The following HADH variants were observed in gnomAD, a reference collection of about 807,000 sequenced individuals.
HADH encodes the protein hydroxyacyl-CoA dehydrogenase, also known as hydroxyacyl-coenzyme A dehydrogenase, mitochondrial.
A neutral mutation model predicts 32.2 loss-of-function variants in HADH; 24 were observed. The observed-to-expected ratio is 0.75, with a 90% CI of 0.54 to 1.05. The LOEUF (loss-of-function observed/expected upper bound fraction) is 1.05. Among genes scored for constraint, HADH ranks in the 50% least tolerant of loss-of-function variants. The pLI, the probability that HADH is intolerant of heterozygous loss-of-function variation, is 0.00. For synonymous variants in HADH, 139 were observed against 152.5 expected (o/e 0.91, Z 0.65); for missense variants, 350 against 397.1 (o/e 0.88, Z 1.01).
chr4:107,990,840 C>A (rs940470397), intron 1 of HADH, among the ~76,000 whole-genome samples: 2 of 150,776 alleles, frequency 1.3e-5, no homozygotes, highest in African/African-American at 4.9e-5. Flanking sequence ...ACCTCCGCCT[C>A]CCGGGTTCAA....
At chr4:108,024,766 A>G (rs1244628755) in intron 5 of HADH, 1 of 152,276 alleles carries the variant, frequency 6.6e-6, no homozygotes, top group African/African-American at 2.4e-5. Flanking sequence ...ACAAAAAGAT[A>G]TGGAAACAGA....
In HADH at chr4:108,034,416, G is replaced by A. The variant is rs529762487; in HGVS notation, c.*59G>A. On this transcript the variant is annotated 3_prime_UTR_variant, in exon 8 of 8. Transcript: ENST00000309522. ...GAGAGCGCTTTCCAGCCAGTGCCCC[G>A]AGTGCCTGTGGGAATGCTCTTTGGT... The A allele has an allele frequency of 1.2e-4, 112 of 940,226 alleles. 1 individual carries two copies. The East Asian group carries it at 2.0e-3, about 16-fold the overall frequency. 58.2% of individuals were successfully genotyped at this position (940,226 alleles called of 1,614,324 possible). A position where few individuals can be genotyped will look rare whatever the true frequency, so the allele number is the denominator to read the frequency against.
At chr4:108,007,855 G>A (rs1018658361) in intron 1 of HADH, among the ~76,000 whole-genome samples, 2 of 152,220 alleles carry the variant, frequency 1.3e-5, no homozygotes, top group East Asian at 3.8e-4. Flanking sequence ...GGGCACTGGG[G>A]TTTGTAAAGA....
Position 108,034,168 on chromosome 4 carries a change from T to C in HADH, c.827-71T>C. ...CATCAGAGGCAGGCCTCCAGACTTG[T>C]CCTTGGAAATGCCAAGATGTAAAAA... is the stretch of plus-strand genomic sequence containing the variant. On this transcript the variant is annotated intron_variant, in intron 7 of 7. Coordinates refer to ENST00000309522, the MANE Select transcript of HADH (RefSeq NM_005327.7). 3 of 1,060,518 alleles carry C rather than the reference T, an allele frequency of 2.8e-6. No individual in the cohort carries two copies. In the Admixed American group the frequency reaches 5.1e-5, roughly 18 times the overall value. 65.7% of individuals were successfully genotyped at this position (1,060,518 alleles called of 1,614,324 possible). A position where few individuals can be genotyped will look rare whatever the true frequency, so the allele number is the denominator to read the frequency against.
Position 107,990,390 on chromosome 4 carries a change from G to A in HADH, c.132+326G>A, listed in dbSNP as rs141049969. Among the ~76,000 whole-genome samples, 428 of 152,342 alleles carry A rather than the reference G, an allele frequency of 2.8e-3. 3 individuals carry two copies. Among genetic ancestry groups the A allele is most frequent in the Middle Eastern group, 0.017 (5 of 292 alleles). On this transcript the variant is annotated intron_variant, in intron 1 of 7. Transcript: ENST00000309522. ...CGTGCAAGAGAAGAAAGAATTGTATGTGCACAAGGTTCAGGCATAACGCGT... is the reference window on the plus strand; with the variant it reads ...CGTGCAAGAGAAGAAAGAATTGTATATGCACAAGGTTCAGGCATAACGCGT...
At chr4:107,998,039 C>T (rs1049782391) in intron 1 of HADH, among the ~76,000 whole-genome samples, 3 of 152,204 alleles carry the variant, frequency 2.0e-5, no homozygotes, top group African/African-American at 7.2e-5. Flanking sequence ...ACTTTACCAA[C>T]AAATGTCTTT....
chr4:108,023,079 C>T (rs1180565574), intron 4 of HADH, among the ~76,000 whole-genome samples: 3 of 151,550 alleles, frequency 2.0e-5, no homozygotes, highest in Non-Finnish European at 4.4e-5. Context: ...CTGCAACCTC[C>T]ACCTCCCAGG....
In HADH at chr4:108,035,055, G is replaced by A. The variant is rs1736418314; in HGVS notation, c.*698G>A. On this transcript the variant is annotated 3_prime_UTR_variant, in exon 8 of 8. Coordinates refer to ENST00000309522, the MANE Select transcript of HADH (RefSeq NM_005327.7). ...CACTGTTGCAAATTGCCTATAAATT[G>A]ACTCTACTAAAATAACAATGTTTCA... The A allele has an allele frequency of 1.3e-5, 2 of 152,560 alleles. No individual in the cohort carries two copies. Among genetic ancestry groups the A allele is most frequent in the Admixed American group, 6.5e-5 (1 of 15,374 alleles). The allele number at this position is 152,560 out of a possible 1,614,324, so 9.5% of individuals were successfully genotyped here. A position where few individuals can be genotyped will look rare whatever the true frequency, so the allele number is the denominator to read the frequency against.
At chr4:108,019,687 G>A (rs764941431) in intron 4 of HADH, 21 bp downstream of exon 4, 55 of 1,613,758 alleles carry the variant, frequency 3.4e-5, no homozygotes, top group South Asian at 1.1e-4. Flanking sequence ...GTCAGCTTGT[G>A]TGTGTCTGCC....
intron 1 of HADH, among the ~76,000 whole-genome samples, chr4:108,007,316 C>T (rs970700834): frequency 1.3e-5 from 2 of 152,086 alleles, no homozygotes; most frequent in Non-Finnish European, 2.9e-5. Context: ...ACCGTGTTAG[C>T]CAGGATGGTC....
intron 1 of HADH, among the ~76,000 whole-genome samples, chr4:107,993,622 T>C (rs1734875282): frequency 6.6e-6 from 1 of 152,246 alleles, no homozygotes; most frequent in African/African-American, 2.4e-5. Flanking sequence ...TTAAGCAATT[T>C]AAGACAAGTT....
At chr4:108,000,403 TG>T (rs537741737) in intron 1 of HADH, among the ~76,000 whole-genome samples, 27 of 152,378 alleles carry the variant, frequency 1.8e-4, no homozygotes, top group Non-Finnish European at 3.2e-4. Context: ...ATGCTCTGGT[TG>T]GTTAATAACT....
chr4:108,001,317 T>C (rs1316835912), intron 1 of HADH, among the ~76,000 whole-genome samples: 3 of 152,152 alleles, frequency 2.0e-5, no homozygotes, highest in African/African-American at 4.8e-5. Flanking sequence ...GTTGGAAGTA[T>C]GAGAACGATT....
At chr4:108,004,697 A>G (rs1259652823) in intron 1 of HADH, 1 of 1,528,664 alleles carries the variant, frequency 6.5e-7, no homozygotes, top group Non-Finnish European at 8.8e-7. Context: ...ATGAGGGATA[A>G]TTCTTTCAAG....
At chr4:108,020,920 A>T (rs533791213) in intron 4 of HADH, among the ~76,000 whole-genome samples, 9 of 152,154 alleles carry the variant, frequency 5.9e-5, no homozygotes, top group African/African-American at 1.9e-4. Context: ...ACTACTCAGC[A>T]TAAGCATTTT....
At chr4:108,013,305 G>C (rs1735569543) in intron 2 of HADH, among the ~76,000 whole-genome samples, 1 of 152,190 alleles carries the variant, frequency 6.6e-6, no homozygotes, top group Admixed American at 6.5e-5. Context: ...AGACAGATGA[G>C]ATTATAAGAG....
At chr4:108,027,554 A>G in intron 5 of HADH, 134 bp from the exon 6 acceptor site, 2 of 733,920 alleles carry the variant, frequency 2.7e-6, no homozygotes, top group South Asian at 1.4e-5. Context: ...CCATGCTGCA[A>G]ATTTTGAAAA....
intron 4 of HADH, among the ~76,000 whole-genome samples, chr4:108,020,862 C>G (rs746231020): frequency 1.3e-5 from 2 of 152,168 alleles, no homozygotes; most frequent in Non-Finnish European, 2.9e-5. Flanking sequence ...TTCATTATTG[C>G]CTTTTCCAAC....
chr4:108,030,395 G>A (rs1379215747), intron 6 of HADH: 2 of 152,566 alleles, frequency 1.3e-5, no homozygotes, highest in African/African-American at 4.8e-5. Flanking sequence ...TCTTTTCTGG[G>A]GCACTCTGGC....
Sources: allele counts gnomAD v4.1 joint callset (sites outside exome capture counted in the v4.1 genomes callset), GRCh38; gene constraint gnomAD v4.1.1; transcripts MANE v1.5; gene names NCBI Gene and HGNC (gene_info 2026-07-23, HGNC 2026-07-21).